The following C1orf185 variants were observed in gnomAD, a reference collection of about 807,000 sequenced individuals.
C1orf185 encodes the protein chromosome 1 open reading frame 185.
Under a neutral mutation model 16.1 loss-of-function variants are expected in C1orf185, and 13 were observed. That is an observed-to-expected ratio of 0.81 (90% CI 0.53 to 1.28). The LOEUF (loss-of-function observed/expected upper bound fraction) is 1.28. Among genes scored for constraint, C1orf185 ranks in the 50% most tolerant of loss-of-function variants. The pLI, the probability that C1orf185 is intolerant of heterozygous loss-of-function variation, is 0.00. For synonymous variants in C1orf185, 80 were observed against 76.9 expected (o/e 1.04, Z -0.21); for missense variants, 220 against 225.2 (o/e 0.98, Z 0.15).
At chr1:51,102,356 A>G (rs995247364) in intron 1 of C1orf185, 107 bp downstream of exon 1, 1 of 654,028 alleles carries the variant, frequency 1.5e-6, no homozygotes. Flanking sequence ...AAGAGCTTGT[A>G]TAAGATAAGA....
intron 3 of C1orf185, among the ~76,000 whole-genome samples, chr1:51,132,145 C>A (rs569294590): frequency 6.6e-6 from 1 of 152,094 alleles, no homozygotes; most frequent in African/African-American, 2.4e-5. Context: ...GGTAGATAAA[C>A]CCACAGTGCA....
chr1:51,121,107 G>A (rs1425697869), intron 3 of C1orf185, among the ~76,000 whole-genome samples: 1 of 152,014 alleles, frequency 6.6e-6, no homozygotes, highest in Non-Finnish European at 1.5e-5. Flanking sequence ...ATTTTTTGTG[G>A]TGAGAACGCT....
At chr1:51,148,365 C>T (rs1308518394), downstream of C1orf185, among the ~76,000 whole-genome samples, 1 of 152,126 alleles carries the variant, frequency 6.6e-6, no homozygotes, top group Admixed American at 6.5e-5. Flanking sequence ...TCAAGTGATT[C>T]ACCCGCCTTG....
intron 2 of C1orf185, among the ~76,000 whole-genome samples, chr1:51,116,908 C>T (rs1421743915): frequency 1.3e-5 from 2 of 152,152 alleles, no homozygotes; most frequent in Non-Finnish European, 2.9e-5. Flanking sequence ...TTAAATCATC[C>T]CTACCTTAAT....
chr1:51,138,822 G>A (rs1201826647), intron 3 of C1orf185, among the ~76,000 whole-genome samples: 1 of 152,098 alleles, frequency 6.6e-6, no homozygotes, highest in Non-Finnish European at 1.5e-5. Context: ...CAACCAGCTG[G>A]GATTACAGGT....
At chr1:51,143,608 C>A (rs893757906) in intron 3 of C1orf185, among the ~76,000 whole-genome samples, 1 of 151,914 alleles carries the variant, frequency 6.6e-6, no homozygotes, top group Non-Finnish European at 1.5e-5. Context: ...GTATTAATAT[C>A]TATGTATCAT....
chr1:51,112,881 G>A (rs1479513576), intron 2 of C1orf185, among the ~76,000 whole-genome samples: 3 of 150,974 alleles, frequency 2.0e-5, no homozygotes, highest in Non-Finnish European at 2.9e-5. Flanking sequence ...GTGCAGTGGC[G>A]CGATCTTGGC....
rs567058897 is a variant in C1orf185, at chr1:51,147,732, A to T, written c.561A>T (p.Leu187Phe). Residue 187 changes from leucine (L) to phenylalanine (F), a missense_variant, in exon 5 of 5, where the codon TTA (leucine) becomes TTT (phenylalanine). Coordinates refer to ENST00000371759, the MANE Select transcript of C1orf185 (RefSeq NM_001136508.2). ...TTTCATACCTGTCAACCATTTCATTAGAAGAGGGTACTGAAAGTGTACTGA... is the reference window on the plus strand; with the variant it reads ...TTTCATACCTGTCAACCATTTCATTTGAAGAGGGTACTGAAAGTGTACTGA... Reference protein sequence around the residue: ...KVFSYLSTISLEEGTESVLND... With the variant: ...KVFSYLSTISFEEGTESVLND... 1 of 1,550,036 alleles carries T rather than the reference A, an allele frequency of 6.5e-7. No homozygotes were observed. The highest frequency in any genetic ancestry group is 8.7e-7 in the Non-Finnish European group (1 of 1,146,352).
chr1:51,149,383 C>G (rs61782428), downstream of C1orf185, among the ~76,000 whole-genome samples: 92 of 152,312 alleles, frequency 6.0e-4, no homozygotes, highest in Non-Finnish European at 9.0e-4. Flanking sequence ...GTTAGAACCA[C>G]TCTCTCTTTT....
At chr1:51,138,294 C>T (rs1472797066) in intron 3 of C1orf185, among the ~76,000 whole-genome samples, 3 of 152,102 alleles carry the variant, frequency 2.0e-5, no homozygotes, top group Non-Finnish European at 4.4e-5. Context: ...TGATAAAATA[C>T]ACATAACAAA....
chr1:51,106,415 ATTT>A (rs1382942225), intron 1 of C1orf185, among the ~76,000 whole-genome samples: 1 of 151,652 alleles, frequency 6.6e-6, no homozygotes, highest in African/African-American at 2.4e-5. Context: ...TTATGTCTAT[ATTT>A]TTTAAATATT....
At chr1:51,137,977 C>T (rs1365323699) in intron 3 of C1orf185, among the ~76,000 whole-genome samples, 1 of 152,126 alleles carries the variant, frequency 6.6e-6, no homozygotes, top group African/African-American at 2.4e-5. Flanking sequence ...TGCATGTTCT[C>T]ATTTATATGG....
intron 3 of C1orf185, among the ~76,000 whole-genome samples, chr1:51,141,520 T>C (rs1209927987): frequency 6.6e-6 from 1 of 152,128 alleles, no homozygotes; most frequent in Non-Finnish European, 1.5e-5. Context: ...CAAGTACTTA[T>C]AATTAGCCCT....
At chr1:51,151,356 T>G (rs762876460), downstream of C1orf185, among the ~76,000 whole-genome samples, 234 of 152,202 alleles carry the variant, frequency 1.5e-3, 2 homozygotes, top group Non-Finnish European at 2.7e-3. Context: ...CTTACGCAAT[T>G]GTAAGAGGAA....
chr1:51,140,303 C>G (rs1646356128), intron 3 of C1orf185, among the ~76,000 whole-genome samples: 1 of 151,860 alleles, frequency 6.6e-6, no homozygotes, highest in Non-Finnish European at 1.5e-5. Context: ...TTTTGGTCAT[C>G]TGAAAATGAC....
At chr1:51,116,756 C>T (rs1003962041) in intron 2 of C1orf185, among the ~76,000 whole-genome samples, 1 of 152,148 alleles carries the variant, frequency 6.6e-6, no homozygotes, top group African/African-American at 2.4e-5. Context: ...CTCCTGCTTT[C>T]TGTGTTTCTG....
intron 1 of C1orf185, among the ~76,000 whole-genome samples, chr1:51,105,770 A>G (rs1293845117): frequency 6.6e-6 from 1 of 152,224 alleles, no homozygotes; most frequent in African/African-American, 2.4e-5. Context: ...AAGTAAAAAT[A>G]CTATCTTTGT....
chr1:51,112,923 G>A (rs1164821119), intron 2 of C1orf185, among the ~76,000 whole-genome samples: 6 of 151,694 alleles, frequency 4.0e-5, no homozygotes, highest in Non-Finnish European at 5.9e-5. Context: ...GGGTTCAAGC[G>A]ATTCTCCTGA....
At chr1:51,132,582 T>C (rs1646293776) in intron 3 of C1orf185, among the ~76,000 whole-genome samples, 2 of 151,950 alleles carry the variant, frequency 1.3e-5, no homozygotes, top group South Asian at 4.2e-4. Flanking sequence ...TTCTGAGAAA[T>C]ATGGGATAAT....
Sources: gnomAD v4.1 joint callset for allele counts (sites outside exome capture counted in the v4.1 genomes callset) on GRCh38, gnomAD v4.1.1 for gene constraint, MANE v1.5 for transcripts, NCBI Gene and HGNC (gene_info 2026-07-23, HGNC 2026-07-21) for gene names.